The following P2RX3 variants were observed in gnomAD, a reference collection of about 807,000 sequenced individuals.
P2RX3 encodes the protein P2X purinoceptor 3.
In P2RX3, 41 loss-of-function variants were observed where a neutral mutation model predicts 51.5. That is an observed-to-expected ratio of 0.80 (90% CI 0.62 to 1.03). P2RX3 has a LOEUF of 1.03. Ranked by LOEUF, P2RX3 falls within the 50% of genes least tolerant of loss-of-function variation. The probability of loss-of-function intolerance (pLI) is 0.00; values close to 1 mark genes in which losing one functional copy is unlikely to be tolerated. For synonymous variants in P2RX3, 185 were observed against 191.6 expected, an observed-to-expected ratio of 0.97 and a Z score of 0.29; for missense variants, 459 against 522.1, an observed-to-expected ratio of 0.88 and a Z score of 1.18.
chr11:57,351,944 T>A (rs764056683), intron 8 of P2RX3, among the ~76,000 whole-genome samples: 1 of 152,218 alleles, frequency 6.6e-6, no homozygotes, highest in African/African-American at 2.4e-5. Context: ...TTTTTGAAGA[T>A]CCTGAAGTTT....
At chr11:57,355,918 A>C (rs990938020) in intron 8 of P2RX3, among the ~76,000 whole-genome samples, 4 of 152,190 alleles carry the variant, frequency 2.6e-5, no homozygotes, top group African/African-American at 9.6e-5. Context: ...TAATCCCAGC[A>C]CTTTGGGAGG....
At chr11:57,349,612 A>G in intron 6 of P2RX3, 145 bp from the exon 7 acceptor site, 1 of 931,850 alleles carries the variant, frequency 1.1e-6, no homozygotes, top group Non-Finnish European at 1.6e-6. Context: ...CAGGGAAAGG[A>G]AAGAGGGGAG....
chr11:57,355,691 A>T (rs1856618935), intron 8 of P2RX3, among the ~76,000 whole-genome samples: 1 of 152,198 alleles, frequency 6.6e-6, no homozygotes, highest in African/African-American at 2.4e-5. Context: ...CAGAGTAATA[A>T]ATCCAACCAA....
intron 7 of P2RX3, 65 bp downstream of exon 7, chr11:57,349,963 G>C: frequency 1.3e-6 from 2 of 1,597,634 alleles, no homozygotes; most frequent in Non-Finnish European, 1.7e-6. Context: ...CCAGATTTCA[G>C]GGCCCTTTGG....
rs1856803774 is a variant in P2RX3 at position 57,366,786 on chromosome 11, G to T, written c.843-1223G>T. Among the ~76,000 whole-genome samples, 9 of 152,250 alleles carry T rather than the reference G, an allele frequency of 5.9e-5. No homozygotes were observed. In the South Asian group the frequency reaches 1.9e-3, roughly 32 times the overall value. On this transcript the variant is annotated intron_variant, in intron 8 of 11. Transcript: ENST00000263314. ...GCGCAGGGTGTCACATGGAGAGGGG[G>T]CTGGGTGTGCTAACGTGCTAGCTCA...
At chr11:57,348,382 T>C in intron 5 of P2RX3, 119 bp downstream of exon 5, 1 of 1,009,378 alleles carries the variant, frequency 9.9e-7, no homozygotes, top group Non-Finnish European at 1.4e-6. Context: ...GTGTTGTCCC[T>C]TCCTGGTGTG....
chr11:57,358,389 A>G (rs1856663364), intron 8 of P2RX3, among the ~76,000 whole-genome samples: 1 of 152,222 alleles, frequency 6.6e-6, no homozygotes, highest in African/African-American at 2.4e-5. Context: ...AGTTCCTAGA[A>G]TCAAGCAAGT....
At position 57,338,480 on chromosome 11, in the gene P2RX3, C is replaced by A; in HGVS notation, c.-71C>A. ...CCAGGTCGTGATCTCGTCTCCCTGT[C>A]CTGTAGGACCTCCCTCTCCTGAGGC... On this transcript the variant is annotated 5_prime_UTR_variant, in exon 1 of 12. Coordinates refer to ENST00000263314, the MANE Select transcript of P2RX3 (RefSeq NM_002559.5). 1 of 1,065,302 alleles carries A rather than the reference C, an allele frequency of 9.4e-7. No individual in the cohort carries two copies. Among genetic ancestry groups the A allele is most frequent in the Non-Finnish European group, 1.4e-6 (1 of 709,644 alleles). The allele number at this position is 1,065,302 out of a possible 1,614,324, so 66.0% of individuals were successfully genotyped here. A position where few individuals can be genotyped will look rare whatever the true frequency, so the allele number is the denominator to read the frequency against.
rs375675131 is a variant in P2RX3, at chr11:57,370,029, G to T, written c.*32G>T. ...TTTCCAGGGCCCCACACTCACAAAGGCTCCAGGCCTCCCCACAGAGGACCC... is the reference window on the plus strand; with the variant it reads ...TTTCCAGGGCCCCACACTCACAAAGTCTCCAGGCCTCCCCACAGAGGACCC... On this transcript the variant is annotated 3_prime_UTR_variant, in exon 12 of 12. Transcript: ENST00000263314. 13 of 1,491,818 alleles carry T rather than the reference G, an allele frequency of 8.7e-6. No homozygotes were observed. The highest frequency in any genetic ancestry group is 1.7e-5 in the Admixed American group (1 of 58,664). 92.4% of individuals were successfully genotyped at this position (1,491,818 alleles called of 1,614,324 possible). A position where few individuals can be genotyped will look rare whatever the true frequency, so the allele number is the denominator to read the frequency against.
chr11:57,351,345 T>C (rs1216498322), intron 8 of P2RX3, among the ~76,000 whole-genome samples: 1 of 152,222 alleles, frequency 6.6e-6, no homozygotes, highest in Non-Finnish European at 1.5e-5. Context: ...AGATGGCAAC[T>C]TTGCATTTCT....
intron 8 of P2RX3, among the ~76,000 whole-genome samples, chr11:57,359,424 T>C (rs1298104006): frequency 2.0e-5 from 3 of 152,132 alleles, no homozygotes; most frequent in Admixed American, 1.3e-4. Context: ...GCCCACCAGG[T>C]AACCATCCCC....
intron 1 of P2RX3, among the ~76,000 whole-genome samples, chr11:57,341,813 C>T (rs1288015118): frequency 6.6e-6 from 1 of 152,150 alleles, no homozygotes; most frequent in African/African-American, 2.4e-5. Flanking sequence ...CTGGTGGCTG[C>T]TGGAGCCTCT....
chr11:57,368,124 A>G, intron 9 of P2RX3, 22 bp downstream of exon 9: 1 of 1,609,638 alleles, frequency 6.2e-7, no homozygotes, highest in Non-Finnish European at 8.5e-7. Context: ...GGCCAGGCAG[A>G]TGGGGTGGAC....
intron 10 of P2RX3, among the ~76,000 whole-genome samples, chr11:57,368,945 T>C (rs1382161690): frequency 6.6e-6 from 1 of 151,990 alleles, no homozygotes; most frequent in Admixed American, 6.6e-5. Context: ...CATCATTCAG[T>C]CCTCCCTGGA....
intron 1 of P2RX3, among the ~76,000 whole-genome samples, chr11:57,346,037 T>C (rs1856425936): frequency 6.6e-6 from 1 of 152,148 alleles, no homozygotes; most frequent in Non-Finnish European, 1.5e-5. Context: ...CTACTTTGTG[T>C]TGGACACTTA....
intron 8 of P2RX3, among the ~76,000 whole-genome samples, chr11:57,363,153 G>A (rs1470671558): frequency 6.6e-6 from 1 of 152,110 alleles, no homozygotes; most frequent in Non-Finnish European, 1.5e-5. Flanking sequence ...AGATCCCCTA[G>A]GGCCTCCTTA....
At chr11:57,351,030 A>C (rs1856539620) in intron 8 of P2RX3, 132 bp downstream of exon 8, 1 of 1,308,682 alleles carries the variant, frequency 7.6e-7, no homozygotes, top group Non-Finnish European at 1.1e-6. Flanking sequence ...TTTCATTTCA[A>C]ATCAGGAAGG....
Position 57,349,989 on chromosome 11 carries a change from A to T in P2RX3, c.705+91A>T, listed in dbSNP as rs1015085308. The T allele has an allele frequency of 2.6e-6, 4 of 1,536,386 alleles. 1 individual carries two copies. Among genetic ancestry groups the T allele is most frequent in the Middle Eastern group, 4.6e-4 (2 of 4,376 alleles). Reference sequence around the variant, plus strand: ...GGCCCTTTGGCCGGCACTGGCCAGGAGCCGCCGCGAGACAGCGCCACCTGG... The same window carrying T: ...GGCCCTTTGGCCGGCACTGGCCAGGTGCCGCCGCGAGACAGCGCCACCTGG... On this transcript the variant is annotated intron_variant, in intron 7 of 11. Coordinates refer to ENST00000263314, the MANE Select transcript of P2RX3 (RefSeq NM_002559.5).
intron 1 of P2RX3, among the ~76,000 whole-genome samples, chr11:57,345,878 C>A (rs11823364): frequency 0.043 from 6,513 of 150,750 alleles, 511 homozygotes; most frequent in African/African-American, 0.15. Flanking sequence ...CTCCCCCAGC[C>A]CCCCCACCTT....
Sources: gnomAD v4.1 joint callset for allele counts (sites outside exome capture counted in the v4.1 genomes callset) on GRCh38, gnomAD v4.1.1 for gene constraint, MANE v1.5 for transcripts, NCBI Gene and HGNC (gene_info 2026-07-23, HGNC 2026-07-21) for gene names.